The following DOCK3 variants were observed in gnomAD, a reference collection of about 807,000 sequenced individuals.
DOCK3 encodes dedicator of cytokinesis 3, also known as dedicator of cytokinesis protein 3.
A neutral mutation model predicts 265.6 loss-of-function variants in DOCK3; 60 were observed. The observed-to-expected ratio is 0.23, with a 90% CI of 0.18 to 0.28. The LOEUF (loss-of-function observed/expected upper bound fraction) is 0.28. Ranked by LOEUF, DOCK3 falls within the 10% of genes least tolerant of loss-of-function variation. The probability of loss-of-function intolerance (pLI) is 1.00; values close to 1 mark genes in which losing one functional copy is unlikely to be tolerated. For missense variants in DOCK3, 1,981 were observed against 2,594.3 expected (o/e 0.76, Z 5.14); for synonymous variants, 881 against 938.0 (o/e 0.94, Z 1.11).
chr3:50,902,171 T>C (rs1335485967), intron 4 of DOCK3, among the ~76,000 whole-genome samples: 2 of 152,178 alleles, frequency 1.3e-5, no homozygotes, highest in African/African-American at 4.8e-5. Context: ...TTTGCTGTGC[T>C]GAAGCTCTTT....
intron 5 of DOCK3, among the ~76,000 whole-genome samples, chr3:50,970,937 A>ATG (rs2077203328): frequency 3.7e-4 from 27 of 73,098 alleles, no homozygotes; most frequent in Non-Finnish European, 5.7e-4. Flanking sequence ...ATATATATAT[A>ATG]TATATATATA....
intron 40 of DOCK3, among the ~76,000 whole-genome samples, chr3:51,350,872 G>C (rs1172022642): frequency 6.6e-6 from 1 of 152,228 alleles, no homozygotes; most frequent in African/African-American, 2.4e-5. Context: ...TGGTATGAGA[G>C]AACCTGAAGA....
At chr3:51,084,030 G>GT (rs1402613827) in intron 7 of DOCK3, among the ~76,000 whole-genome samples, 1 of 152,016 alleles carries the variant, frequency 6.6e-6, no homozygotes, top group South Asian at 2.1e-4. Context: ...CTGAAGACAG[G>GT]TTTTTTGACA....
At chr3:51,231,002 G>GT (rs1205519064) in intron 19 of DOCK3, among the ~76,000 whole-genome samples, 5 of 149,812 alleles carry the variant, frequency 3.3e-5, no homozygotes, top group Admixed American at 6.7e-5. Context: ...TTAGTTCTAA[G>GT]TTTTTTTTAT....
chr3:50,971,881 G>A (rs1251969267), intron 5 of DOCK3, among the ~76,000 whole-genome samples: 2 of 152,206 alleles, frequency 1.3e-5, no homozygotes. Flanking sequence ...GATTAGACTG[G>A]CAAGGGGAGC....
intron 2 of DOCK3, among the ~76,000 whole-genome samples, chr3:50,793,982 A>AT (rs2042632306): frequency 6.6e-6 from 1 of 152,090 alleles, no homozygotes; most frequent in Admixed American, 6.5e-5. Flanking sequence ...CCTTGATTTC[A>AT]TTATTTACCC....
rs373965842 is a variant in DOCK3, at chr3:50,718,771, ATTTTTTTTTTT to A, written c.37+43492_37+43502del. Among the ~76,000 whole-genome samples, 143 of 76,966 alleles carry A rather than the reference ATTTTTTTTTTT, an allele frequency of 1.9e-3. 1 individual carries two copies. The highest frequency in any genetic ancestry group is 1.9e-3 in the Non-Finnish European group (78 of 41,366). 50.5% of individuals were successfully genotyped at this position (76,966 alleles called of 152,430 possible). On this transcript the variant is annotated intron_variant, in intron 1 of 52. Transcript: ENST00000266037. Reference sequence around the variant, plus strand: ...AATCTCCCTTCAAGTTTGTGGGTTGATTTTTTTTTTTTTTTTTTTTTTTTTTTTTTTAAGAC... The same window carrying A: ...AATCTCCCTTCAAGTTTGTGGGTTGATTTTTTTTTTTTTTTTTTTTAAGAC...
intron 5 of DOCK3, among the ~76,000 whole-genome samples, chr3:50,975,875 G>C (rs1296320470): frequency 6.6e-6 from 1 of 150,778 alleles, no homozygotes; most frequent in South Asian, 2.1e-4. Context: ...TCTTGGGAGA[G>C]TGTATGTGTC....
chr3:50,714,040 GAGGCAGTTTAC>G (rs563562135), intron 1 of DOCK3, among the ~76,000 whole-genome samples: 55 of 152,110 alleles, frequency 3.6e-4, no homozygotes, highest in Admixed American at 3.6e-3. Context: ...ATGGAGTGCA[GAGGCAGTTTAC>G]AGGAGCAGTC....
rs1276209018 is a variant in DOCK3 at position 51,383,436 on chromosome 3, GA to G, written c.*1878del. The G allele has an allele frequency of 6.6e-6, 1 of 152,496 alleles. No homozygotes were observed. The highest frequency in any genetic ancestry group is 1.5e-5 in the Non-Finnish European group (1 of 68,062). 9.4% of individuals were successfully genotyped at this position (152,496 alleles called of 1,614,324 possible). ...GACCATCTGGTGTTCACAGGTGTTA[GA>G]GGGTTAGGGGTTAGGGGCTAGTTTT... On this transcript the variant is annotated 3_prime_UTR_variant, in exon 53 of 53. Coordinates refer to ENST00000266037, the MANE Select transcript of DOCK3 (RefSeq NM_004947.5).
chr3:50,920,988 G>A (rs2050423284), intron 4 of DOCK3, among the ~76,000 whole-genome samples: 1 of 152,126 alleles, frequency 6.6e-6, no homozygotes, highest in South Asian at 2.1e-4. Context: ...CTTTATTTCT[G>A]CCTTTATTTT....
In DOCK3 at chr3:50,787,963, T is replaced by C. The variant is rs1559638758; in HGVS notation, c.121+9205T>C. Reference sequence around the variant, plus strand: ...TTTTGTAAAAGACTTCTTCCTCTTCTTCCTCCTCCTCTTCTGTGTCATCAG... The same window carrying C: ...TTTTGTAAAAGACTTCTTCCTCTTCCTCCTCCTCCTCTTCTGTGTCATCAG... On this transcript the variant is annotated intron_variant, in intron 2 of 52. Transcript: ENST00000266037. 7 of 898,006 alleles carry C rather than the reference T, an allele frequency of 7.8e-6. No homozygotes were observed. The East Asian group carries it at 1.7e-4, about 22-fold the overall frequency. 55.6% of individuals were successfully genotyped at this position (898,006 alleles called of 1,614,324 possible).
intron 27 of DOCK3, among the ~76,000 whole-genome samples, chr3:51,301,932 A>G (rs1280569130): frequency 6.6e-6 from 1 of 152,134 alleles, no homozygotes; most frequent in Admixed American, 6.6e-5. Context: ...AGAGTTCTGT[A>G]GATACCAGGT....
chr3:50,816,020 A>G (rs1444927745), intron 2 of DOCK3, among the ~76,000 whole-genome samples: 1 of 152,120 alleles, frequency 6.6e-6, no homozygotes, highest in African/African-American at 2.4e-5. Context: ...TTCTGTGTTC[A>G]GGAAAAACTG....
intron 3 of DOCK3, among the ~76,000 whole-genome samples, chr3:50,847,463 G>A (rs755419302): frequency 3.9e-5 from 6 of 152,124 alleles, no homozygotes; most frequent in South Asian, 4.1e-4. Context: ...AGAATGTCCC[G>A]TGGTTGATGG....
intron 1 of DOCK3, among the ~76,000 whole-genome samples, chr3:50,725,759 CATT>C (rs1171019601): frequency 6.6e-6 from 1 of 152,256 alleles, no homozygotes; most frequent in East Asian, 1.9e-4. Context: ...TGTGGTTGTA[CATT>C]TTGACCTGTC....
At chr3:50,732,796 A>G (rs1027402010) in intron 1 of DOCK3, among the ~76,000 whole-genome samples, 3 of 152,192 alleles carry the variant, frequency 2.0e-5, no homozygotes, top group Non-Finnish European at 4.4e-5. Context: ...TATAAATTAT[A>G]TTGTATACCT....
At chr3:50,683,890 C>T (rs1299270957) in intron 1 of DOCK3, among the ~76,000 whole-genome samples, 1 of 136,530 alleles carries the variant, frequency 7.3e-6, no homozygotes, top group African/African-American at 2.7e-5. Context: ...TCTTGAACTC[C>T]TGACCTCAAG....
At position 51,090,350 on chromosome 3, in the gene DOCK3, T is replaced by G; in HGVS notation, c.712T>G (p.Ser238Ala). The G allele has an allele frequency of 6.2e-7, 1 of 1,606,906 alleles. No individual in the cohort carries two copies. Among genetic ancestry groups the G allele is most frequent in the Non-Finnish European group, 8.5e-7 (1 of 1,176,632 alleles). The change falls in exon 9 of 53, where the codon TCC (serine) becomes GCC (alanine). Residue 238 changes from serine to alanine, a missense_variant. Transcript: ENST00000266037. The stretch of plus-strand genomic sequence containing the variant: ...TGGGGAAGATACCGATGTCTTCTTT[T>G]CCTTATATGACATGAGGGAAGGCAA... ...TIGEDTDVFF[S>A]LYDMREGKQI...
Sources: allele counts gnomAD v4.1 joint callset (sites outside exome capture counted in the v4.1 genomes callset), GRCh38; gene constraint gnomAD v4.1.1; transcripts MANE v1.5; gene names NCBI Gene and HGNC (gene_info 2026-07-23, HGNC 2026-07-21).